The following TNFRSF19 variants were observed in gnomAD, a reference collection of about 807,000 sequenced individuals.
TNFRSF19 encodes the protein TNF receptor superfamily member 19, also known as tumor necrosis factor receptor superfamily member 19.
Under a neutral mutation model 46.4 loss-of-function variants are expected in TNFRSF19, and 27 were observed. The ratio of observed to expected loss-of-function variants is 0.58; its 90% CI spans 0.43 to 0.80. The LOEUF (loss-of-function observed/expected upper bound fraction) is 0.80. TNFRSF19 is among the 30% of genes least tolerant of loss of function. TNFRSF19 has a pLI of 0.00. For synonymous variants in TNFRSF19, 204 were observed against 205.0 expected (o/e 1.00, Z 0.04); for missense variants, 511 against 530.8 (o/e 0.96, Z 0.37).
At chr13:23,600,088 T>C (rs1880026648) in intron 3 of TNFRSF19, among the ~76,000 whole-genome samples, 1 of 152,234 alleles carries the variant, frequency 6.6e-6, no homozygotes, top group African/African-American at 2.4e-5. Context: ...ATCTGCAGAA[T>C]ATAACCTTAA....
chr13:23,587,433 G>T (rs1179138246), intron 1 of TNFRSF19, among the ~76,000 whole-genome samples: 1 of 152,162 alleles, frequency 6.6e-6, no homozygotes, highest in Non-Finnish European at 1.5e-5. Flanking sequence ...CCTTGGCCAA[G>T]CTGTGAGCTC....
intron 5 of TNFRSF19, among the ~76,000 whole-genome samples, chr13:23,651,893 TAA>T (rs34023907): frequency 1.7e-3 from 17 of 9,972 alleles, no homozygotes; most frequent in East Asian, 0.011. Flanking sequence ...CATAACATGC[TAA>T]AAAAAAAAAA....
intron 7 of TNFRSF19, among the ~76,000 whole-genome samples, chr13:23,661,681 A>G (rs1884377255): frequency 6.6e-6 from 1 of 152,142 alleles, no homozygotes; most frequent in South Asian, 2.1e-4. Context: ...CATTCCCTTT[A>G]CTCTGCAACC....
intron 4 of TNFRSF19, among the ~76,000 whole-genome samples, chr13:23,623,972 A>G (rs1881835756): frequency 6.6e-6 from 1 of 151,874 alleles, no homozygotes; most frequent in African/African-American, 2.4e-5. Context: ...CCATTTGTCA[A>G]TTTTTTCTCT....
rs184059613 is a variant in TNFRSF19, at chr13:23,639,275, C to T, written c.445+12483C>T. On this transcript the variant is annotated intron_variant, in intron 5 of 9. Coordinates refer to ENST00000248484, the MANE Select transcript of TNFRSF19 (RefSeq NM_148957.4). ...AGACATAGTGGTGTGGGCCTGTAAT[C>T]CCAGCTACTCAGGAGGTTAAGACAG... Among the ~76,000 whole-genome samples the T allele has an allele frequency of 1.3e-3, 198 of 152,218 alleles. 1 individual carries two copies. Among genetic ancestry groups the T allele is most frequent in the African/African-American group, 4.4e-3 (182 of 41,520 alleles).
intron 5 of TNFRSF19, among the ~76,000 whole-genome samples, chr13:23,650,427 C>T (rs367994509): frequency 3.3e-5 from 5 of 152,074 alleles, no homozygotes; most frequent in East Asian, 1.9e-4. Context: ...AGTGAAGCTC[C>T]GATACAAGCT....
At chr13:23,595,586 G>T (rs1879662302) in intron 3 of TNFRSF19, among the ~76,000 whole-genome samples, 1 of 152,106 alleles carries the variant, frequency 6.6e-6, no homozygotes, top group Non-Finnish European at 1.5e-5. Flanking sequence ...AACAAACAAA[G>T]CCTGCAAGAA....
intron 9 of TNFRSF19, among the ~76,000 whole-genome samples, chr13:23,672,703 G>A (rs1009147319): frequency 6.6e-6 from 1 of 152,164 alleles, no homozygotes; most frequent in Non-Finnish European, 1.5e-5. Flanking sequence ...AGTTAGTGAA[G>A]GGTTAATACA....
chr13:23,654,477 G>A (rs1883847815), intron 5 of TNFRSF19, among the ~76,000 whole-genome samples: 1 of 152,148 alleles, frequency 6.6e-6, no homozygotes, highest in Non-Finnish European at 1.5e-5. Flanking sequence ...GGAAGGCGGA[G>A]GACCCCGAAC....
chr13:23,623,551 T>C (rs2138280562), intron 4 of TNFRSF19, among the ~76,000 whole-genome samples: 1 of 152,352 alleles, frequency 6.6e-6, no homozygotes, highest in East Asian at 1.9e-4. Flanking sequence ...GCTGCACCAT[T>C]TTATTGTCCC....
chr13:23,590,048 T>G (rs1411705999), intron 1 of TNFRSF19, 102 bp from the exon 2 acceptor site: 3 of 467,380 alleles, frequency 6.4e-6, no homozygotes, highest in Non-Finnish European at 1.2e-5. Context: ...CAAATAATAT[T>G]TATTACCTAG....
intron 3 of TNFRSF19, among the ~76,000 whole-genome samples, chr13:23,596,879 G>T (rs1879769263): frequency 6.6e-6 from 1 of 152,102 alleles, no homozygotes; most frequent in South Asian, 2.1e-4. Context: ...AAATGCAAAA[G>T]AATGGAAATC....
chr13:23,647,889 A>G (rs1289378099), intron 5 of TNFRSF19, among the ~76,000 whole-genome samples: 3 of 152,250 alleles, frequency 2.0e-5, no homozygotes, highest in Admixed American at 1.3e-4. Flanking sequence ...TCAGTTGACC[A>G]TAAATGTATT....
At position 23,602,522 on chromosome 13, in the gene TNFRSF19, A is replaced by G. The variant is rs187249459; in HGVS notation, c.180+9067A>G. ...CATCAATCAACTGGATATAACTGACACCTATAGACAACTTCATTCAGCAAC... is the reference window on the plus strand; with the variant it reads ...CATCAATCAACTGGATATAACTGACGCCTATAGACAACTTCATTCAGCAAC... On this transcript the variant is annotated intron_variant, in intron 3 of 9. Coordinates refer to ENST00000248484, the MANE Select transcript of TNFRSF19 (RefSeq NM_148957.4). 1.7e-4 allele frequency among the ~76,000 whole-genome samples: 26 copies of G among 152,254 alleles called. No homozygotes were observed. The East Asian group carries it at 4.6e-3, about 27-fold the overall frequency.
intron 5 of TNFRSF19, among the ~76,000 whole-genome samples, chr13:23,629,400 C>A (rs989808120): frequency 6.6e-6 from 1 of 152,202 alleles, no homozygotes. Flanking sequence ...GCTGTCTGTC[C>A]TAACCTAATG....
chr13:23,572,175 C>T (rs545099756), intron 1 of TNFRSF19, among the ~76,000 whole-genome samples: 1 of 152,150 alleles, frequency 6.6e-6, no homozygotes, highest in South Asian at 2.1e-4. Flanking sequence ...TATTTAAAGC[C>T]ATGCTAAACT....
chr13:23,635,482 G>A lies in TNFRSF19; in HGVS notation c.445+8690G>A, dbSNP rs12585484. 0.011 allele frequency among the ~76,000 whole-genome samples: 1,620 copies of A among 152,136 alleles called. 134 individuals carry two copies. In the East Asian group the frequency reaches 0.22, roughly 20 times the overall value. On this transcript the variant is annotated intron_variant, in intron 5 of 9. Coordinates refer to ENST00000248484, the MANE Select transcript of TNFRSF19 (RefSeq NM_148957.4). ...CAACCTCTGCCTCCCAGGTTCAAGC[G>A]ATTCTTCTGCCTCAGCCTCCCAGGT...
At chr13:23,581,665 A>C (rs1419825548) in intron 1 of TNFRSF19, among the ~76,000 whole-genome samples, 1 of 152,168 alleles carries the variant, frequency 6.6e-6, no homozygotes, top group African/African-American at 2.4e-5. Context: ...CTGTTACATG[A>C]ATTTAGGGCA....
At chr13:23,599,321 G>C (rs953623202) in intron 3 of TNFRSF19, among the ~76,000 whole-genome samples, 4 of 152,196 alleles carry the variant, frequency 2.6e-5, no homozygotes, top group Non-Finnish European at 5.9e-5. Flanking sequence ...ACTGCTGATG[G>C]AAAGAGTGAA....
Sources: gnomAD v4.1 joint callset for allele counts (sites outside exome capture counted in the v4.1 genomes callset) on GRCh38, gnomAD v4.1.1 for gene constraint, MANE v1.5 for transcripts, NCBI Gene and HGNC (gene_info 2026-07-23, HGNC 2026-07-21) for gene names.